UBXN7: variants seen among roughly 807,000 people sequenced by gnomAD.
The protein encoded by UBXN7 is UBX domain-containing protein 7.
In UBXN7, 9 loss-of-function variants were observed where a neutral mutation model predicts 58.0. The ratio of observed to expected loss-of-function variants is 0.16; its 90% CI spans 0.09 to 0.27. UBXN7 has a LOEUF of 0.27. Ranked by LOEUF, UBXN7 falls within the 10% of genes least tolerant of loss-of-function variation. The pLI, the probability that UBXN7 is intolerant of heterozygous loss-of-function variation, is 1.00. For missense variants in UBXN7, 328 were observed against 599.6 expected (o/e 0.55, Z 4.73); for synonymous variants, 208 against 205.0 (o/e 1.01, Z -0.12).
chr3:196,369,646 A>G, intron 6 of UBXN7, 135 bp from the exon 7 acceptor site: 1 of 607,300 alleles, frequency 1.6e-6, no homozygotes, highest in South Asian at 2.2e-5. Flanking sequence ...TCCTACACTA[A>G]AAAGAAAATA....
At chr3:196,430,040 T>C (rs1326288031) in intron 1 of UBXN7, among the ~76,000 whole-genome samples, 2 of 152,242 alleles carry the variant, frequency 1.3e-5, no homozygotes, top group South Asian at 2.1e-4. Context: ...GTAATTAGCA[T>C]AAGAAACTGA....
At chr3:196,424,383 ATTTTTTT>A (rs869183431) in intron 1 of UBXN7, among the ~76,000 whole-genome samples, 19 of 104,902 alleles carry the variant, frequency 1.8e-4, no homozygotes, top group African/African-American at 6.1e-4. Context: ...TCTTTTCCTA[ATTTTTTT>A]TTTTTTTTTT....
chr3:196,392,536 C>A (rs1035985960), intron 4 of UBXN7, among the ~76,000 whole-genome samples: 1 of 148,102 alleles, frequency 6.8e-6, no homozygotes, highest in Non-Finnish European at 1.5e-5. Context: ...GGTGTAGTGG[C>A]GCATGCCTGT....
At chr3:196,378,197 A>G (rs1485191045) in intron 5 of UBXN7, among the ~76,000 whole-genome samples, 1 of 152,188 alleles carries the variant, frequency 6.6e-6, no homozygotes, top group African/African-American at 2.4e-5. Flanking sequence ...CCTGTGGCAG[A>G]AACTGCTTAT....
At chr3:196,407,064 A>G (rs1424697505) in intron 2 of UBXN7, among the ~76,000 whole-genome samples, 182 bp downstream of exon 2, 1 of 152,276 alleles carries the variant, frequency 6.6e-6, no homozygotes, top group Admixed American at 6.5e-5. Flanking sequence ...GGATTAAATA[A>G]GCAAGACAGT....
chr3:196,410,877 A>G (rs1222859298), intron 1 of UBXN7, among the ~76,000 whole-genome samples: 1 of 151,914 alleles, frequency 6.6e-6, no homozygotes, highest in African/African-American at 2.4e-5. Flanking sequence ...TATAAATTCA[A>G]GTCTTTATGA....
intron 8 of UBXN7, among the ~76,000 whole-genome samples, chr3:196,367,207 A>G (rs915645219): frequency 1.3e-5 from 2 of 151,926 alleles, no homozygotes; most frequent in African/African-American, 2.4e-5. Flanking sequence ...AAAAAAACCA[A>G]CAAAACAAAA....
intron 1 of UBXN7, among the ~76,000 whole-genome samples, chr3:196,411,702 T>G (rs904977758): frequency 2.0e-5 from 3 of 151,540 alleles, no homozygotes; most frequent in Non-Finnish European, 4.4e-5. Flanking sequence ...TCCCAGCTAC[T>G]CGGGAGGCTG....
Position 196,352,437 on chromosome 3 carries a change from G to C in UBXN7, c.*4248C>G, listed in dbSNP as rs771541748. 1 of 151,892 alleles carries C rather than the reference G, an allele frequency of 6.6e-6. No individual in the cohort carries two copies. The highest frequency in any genetic ancestry group is 1.5e-5 in the Non-Finnish European group (1 of 67,984). 9.4% of individuals were successfully genotyped at this position (151,892 alleles called of 1,614,324 possible). A position where few individuals can be genotyped will look rare whatever the true frequency, so the allele number is the denominator to read the frequency against. ...TTTTTGTATTTTTCAGTAGAGATGG[G>C]GTTTCACCATGTTGGCCAGGCTGAT... On this transcript the variant is annotated 3_prime_UTR_variant, in exon 11 of 11. Transcript: ENST00000296328. This position sits in a 1 kb window ranked among gnomAD's most constrained non-coding sequence, Gnocchi z 4.1.
intron 2 of UBXN7, among the ~76,000 whole-genome samples, chr3:196,405,799 T>C (rs1730144648): frequency 6.6e-6 from 1 of 152,162 alleles, no homozygotes; most frequent in Non-Finnish European, 1.5e-5. Flanking sequence ...AAATCACACT[T>C]TAGGAATTAG....
At chr3:196,412,273 TACA>T (rs1426025630) in intron 1 of UBXN7, among the ~76,000 whole-genome samples, 1 of 145,826 alleles carries the variant, frequency 6.9e-6, no homozygotes, top group Non-Finnish European at 1.5e-5. Context: ...AGCATGAATA[TACA>T]ACGTGTGTAA....
Position 196,371,944 on chromosome 3 carries a change from G to A in UBXN7, c.567C>T (p.Ser189=). 6.2e-7 allele frequency: 1 copy of A among 1,613,740 alleles called. No homozygotes were observed. The highest frequency in any genetic ancestry group is 1.1e-5 in the South Asian group (1 of 90,974). ...GGATAATATTCTTCACAGCTTCGTT[G>A]CTCCACACATCGCGGTTGAGGCACT... ...ACQCLNRDVW[S]NEAVKNIIRE... Residue 189 remains serine (S), a synonymous_variant, in exon 6 of 11, where the codon AGC becomes AGT. Transcript: ENST00000296328.
chr3:196,419,637 G>A (rs1048959161), intron 1 of UBXN7, among the ~76,000 whole-genome samples: 11 of 152,140 alleles, frequency 7.2e-5, no homozygotes, highest in African/African-American at 1.4e-4. Context: ...TCTTAGTGTC[G>A]AAGCACTAGA....
intron 3 of UBXN7, among the ~76,000 whole-genome samples, chr3:196,398,940 G>A (rs776103453): frequency 6.6e-5 from 10 of 151,970 alleles, no homozygotes; most frequent in Admixed American, 5.9e-4. Flanking sequence ...GAGTCACCAC[G>A]TCCGGCCAAA....
At chr3:196,430,915 A>C (rs1358504351) in intron 1 of UBXN7, among the ~76,000 whole-genome samples, 7 of 152,130 alleles carry the variant, frequency 4.6e-5, no homozygotes, top group Admixed American at 1.3e-4. Context: ...CCAATCACAA[A>C]GTTCAAAAAT....
intron 5 of UBXN7, among the ~76,000 whole-genome samples, chr3:196,380,340 A>G (rs1729164415): frequency 6.6e-6 from 1 of 152,196 alleles, no homozygotes. Flanking sequence ...TAGTAAGCAA[A>G]CATGGTGGTA....
chr3:196,355,599 G>A lies in UBXN7; in HGVS notation c.*1086C>T, dbSNP rs1392221864. The A allele has an allele frequency of 6.6e-6, 1 of 152,176 alleles. No homozygotes were observed. The highest frequency in any genetic ancestry group is 1.5e-5 in the Non-Finnish European group (1 of 68,036). 9.4% of individuals were successfully genotyped at this position (152,176 alleles called of 1,614,324 possible). A position where few individuals can be genotyped will look rare whatever the true frequency, so the allele number is the denominator to read the frequency against. On this transcript the variant is annotated 3_prime_UTR_variant, in exon 11 of 11. Coordinates refer to ENST00000296328, the MANE Select transcript of UBXN7 (RefSeq NM_015562.2). ...GGACTCATGTTCAATTCAGTCACCA[G>A]AGCCTTTTAGAGACTATTCCAACCA...
intron 5 of UBXN7, among the ~76,000 whole-genome samples, chr3:196,390,712 G>A (rs1295688658): frequency 6.7e-6 from 1 of 150,150 alleles, no homozygotes; most frequent in Non-Finnish European, 1.5e-5. Context: ...CTGCACTCCG[G>A]CGAGACTCCA....
rs774722859 is a variant in UBXN7 at position 196,348,025 on chromosome 3, C to T, written c.*8660G>A. On this transcript the variant is annotated 3_prime_UTR_variant, in exon 11 of 11. Transcript: ENST00000296328. ...ACTAGGTAGATCTATAGGTAGATCA[C>T]ACCCAGTTATCTAAGATTTCCCTGG... 2 of 152,254 alleles carry T rather than the reference C, an allele frequency of 1.3e-5. No individual in the cohort carries two copies. The highest frequency in any genetic ancestry group is 2.9e-5 in the Non-Finnish European group (2 of 68,014). The allele number at this position is 152,254 out of a possible 1,614,324, so 9.4% of individuals were successfully genotyped here.
Sources: allele counts gnomAD v4.1 joint callset (sites outside exome capture counted in the v4.1 genomes callset), GRCh38; gene constraint gnomAD v4.1.1; non-coding constraint Gnocchi (gnomAD v3.1); transcripts MANE v1.5; gene names NCBI Gene and HGNC (gene_info 2026-07-23, HGNC 2026-07-21).